The following SPTBN1 variants were observed in gnomAD, a reference collection of about 807,000 sequenced individuals.
SPTBN1 encodes spectrin beta chain, non-erythrocytic 1.
SPTBN1 carries 32 observed loss-of-function variants against 266.4 expected under a neutral mutation model. The ratio of observed to expected loss-of-function variants is 0.12; its 90% confidence interval spans 0.09 to 0.16. The LOEUF (loss-of-function observed/expected upper bound fraction) is 0.16. SPTBN1 is among the 10% of genes least tolerant of loss of function. The pLI is 1.00. For missense variants in SPTBN1, 2,296 were observed against 3,067.1 expected (o/e 0.75, Z 5.94); for synonymous variants, 1,336 against 1,162.2 (o/e 1.15, Z -3.04).
chr2:54,666,966 C>G (rs1681411706), intron 34 of SPTBN1, among the ~76,000 whole-genome samples: 1 of 152,170 alleles, frequency 6.6e-6, no homozygotes, highest in Non-Finnish European at 1.5e-5. Context: ...GCTGCTTTCC[C>G]CTTTGTACTC....
chr2:54,640,774 A>G (rs1679478407), intron 18 of SPTBN1, among the ~76,000 whole-genome samples: 1 of 151,942 alleles, frequency 6.6e-6, no homozygotes, highest in Non-Finnish European at 1.5e-5. Context: ...CTGGTCTTGA[A>G]CTCCTGGCCT....
intron 2 of SPTBN1, among the ~76,000 whole-genome samples, chr2:54,553,208 G>A (rs1031600261): frequency 1.3e-5 from 2 of 152,212 alleles, no homozygotes; most frequent in African/African-American, 4.8e-5. Context: ...AACAGAGGCA[G>A]GTTTTAGGGA....
intron 1 of SPTBN1, among the ~76,000 whole-genome samples, chr2:54,491,280 T>G (rs1210860895): frequency 6.6e-6 from 1 of 152,218 alleles, no homozygotes; most frequent in African/African-American, 2.4e-5. Context: ...AGTAATAGAT[T>G]GTGAAAAGTC....
chr2:54,642,438 TG>T (rs1679634513), intron 18 of SPTBN1, among the ~76,000 whole-genome samples: 1 of 152,102 alleles, frequency 6.6e-6, no homozygotes, highest in African/African-American at 2.4e-5. Context: ...AGGGCATGAT[TG>T]TTGCCTTAGC....
chr2:54,669,126 A>G lies in SPTBN1; in HGVS notation c.*557A>G, dbSNP rs1399498047. 6.5e-6 allele frequency: 1 copy of G among 153,464 alleles called. No homozygotes were observed. The highest frequency in any genetic ancestry group is 1.5e-5 in the Non-Finnish European group (1 of 68,914). The allele number at this position is 153,464 out of a possible 1,614,324, so 9.5% of individuals were successfully genotyped here. On this transcript the variant is annotated 3_prime_UTR_variant, in exon 36 of 36. Coordinates refer to ENST00000356805, the MANE Select transcript of SPTBN1 (RefSeq NM_003128.3). ...GACCAAACCATTTGTATCTGGCATC[A>G]CTTACTAACACACGACATGCGGCTT... is the stretch of plus-strand genomic sequence containing the variant.
intron 2 of SPTBN1, among the ~76,000 whole-genome samples, chr2:54,556,933 G>C (rs978979660): frequency 2.0e-5 from 3 of 152,130 alleles, no homozygotes; most frequent in African/African-American, 7.2e-5. Context: ...GGGAATCCTA[G>C]TCAAGTGCTT....
Position 54,628,492 on chromosome 2 carries a change from G to A in SPTBN1, c.1798+242G>A, listed in dbSNP as rs989742802. Reference sequence around the variant, plus strand: ...GCTTTGAGTGGCTTGGTGTTTGGCAGTGAGACTTTGTCATACCTCAGTCTC... The same window carrying A: ...GCTTTGAGTGGCTTGGTGTTTGGCAATGAGACTTTGTCATACCTCAGTCTC... On this transcript the variant is annotated intron_variant, in intron 13 of 35. Transcript: ENST00000356805. This position sits in a 1 kb window ranked among gnomAD's most constrained non-coding sequence, Gnocchi z 4.3. Among the ~76,000 whole-genome samples the A allele has an allele frequency of 6.6e-6, 1 of 152,166 alleles. No individual in the cohort carries two copies. Among genetic ancestry groups the A allele is most frequent in the African/African-American group, 2.4e-5 (1 of 41,442 alleles).
intron 1 of SPTBN1, among the ~76,000 whole-genome samples, chr2:54,474,995 A>C (rs940087093): frequency 1.3e-5 from 2 of 152,164 alleles, no homozygotes; most frequent in African/African-American, 2.4e-5. Context: ...CCACATGGTG[A>C]AAATACAAAA....
chr2:54,462,740 C>A (rs1224396938), intron 1 of SPTBN1, among the ~76,000 whole-genome samples: 1 of 152,198 alleles, frequency 6.6e-6, no homozygotes, highest in Non-Finnish European at 1.5e-5. Flanking sequence ...TTTGGCAAAC[C>A]TTTAACCCTC....
intron 34 of SPTBN1, 21 bp from the exon 35 acceptor site, chr2:54,667,583 C>G (rs372316026): frequency 5.0e-6 from 8 of 1,612,400 alleles, no homozygotes; most frequent in Non-Finnish European, 6.8e-6. Context: ...TGGTGACTAA[C>G]TTTCTTCCTT....
At chr2:54,618,328 T>A (rs962853354) in intron 7 of SPTBN1, 135 bp downstream of exon 7, 2 of 728,668 alleles carry the variant, frequency 2.7e-6, no homozygotes, top group Admixed American at 5.8e-5. Flanking sequence ...TATGGGAATT[T>A]TTTGAGGATT....
At chr2:54,637,931 G>T (rs1327569524) in intron 18 of SPTBN1, 128 bp downstream of exon 18, 4 of 728,506 alleles carry the variant, frequency 5.5e-6, no homozygotes, top group Non-Finnish European at 2.3e-6. Context: ...CATTTGACTC[G>T]CAGGCAGGGA....
chr2:54,601,581 C>T (rs1203133587), intron 3 of SPTBN1, among the ~76,000 whole-genome samples: 1 of 152,158 alleles, frequency 6.6e-6, no homozygotes, highest in Non-Finnish European at 1.5e-5. Context: ...CTAAGTGTGT[C>T]ATCAGATAAC....
chr2:54,458,415 T>A (rs1479427662), intron 1 of SPTBN1, among the ~76,000 whole-genome samples: 1 of 152,226 alleles, frequency 6.6e-6, no homozygotes, highest in Non-Finnish European at 1.5e-5. Flanking sequence ...GATTATTAGG[T>A]GTATGAGTGT....
At chr2:54,471,475 A>ATTT (rs34044536) in intron 1 of SPTBN1, among the ~76,000 whole-genome samples, 4 of 143,690 alleles carry the variant, frequency 2.8e-5, no homozygotes, top group Admixed American at 7.0e-5. Context: ...TGGTGGTCTG[A>ATTT]TTTTTTTTTT....
chr2:54,616,155 C>T, intron 4 of SPTBN1, 52 bp from the exon 5 acceptor site: 1 of 1,528,594 alleles, frequency 6.5e-7, no homozygotes, highest in Non-Finnish European at 9.0e-7. Flanking sequence ...TTCAGTGGTT[C>T]TTTTAGGCAG....
At chr2:54,580,262 T>A (rs1674799313) in intron 2 of SPTBN1, among the ~76,000 whole-genome samples, 1 of 152,214 alleles carries the variant, frequency 6.6e-6, no homozygotes, top group African/African-American at 2.4e-5. Context: ...GGGAGTAGAT[T>A]TTGTTTCTTG....
At chr2:54,571,872 T>C (rs189287487) in intron 2 of SPTBN1, among the ~76,000 whole-genome samples, 1 of 152,360 alleles carries the variant, frequency 6.6e-6, no homozygotes, top group Admixed American at 6.5e-5. Context: ...AGCCACTTAA[T>C]AAATGATGTC....
At chr2:54,525,756 A>G (rs562855865) in intron 1 of SPTBN1, among the ~76,000 whole-genome samples, 43 of 151,966 alleles carry the variant, frequency 2.8e-4, no homozygotes, top group Middle Eastern at 6.9e-3. Flanking sequence ...TTTGAGACGG[A>G]GTCTCGCTCT....
Sources: allele counts gnomAD v4.1 joint callset (sites outside exome capture counted in the v4.1 genomes callset), GRCh38; gene constraint gnomAD v4.1.1; non-coding constraint Gnocchi (gnomAD v3.1); transcripts MANE v1.5; gene names NCBI Gene and HGNC (gene_info 2026-07-23, HGNC 2026-07-21).